The following WDR25 variants were observed in gnomAD, a reference collection of about 807,000 sequenced individuals.
WDR25 encodes the protein WD repeat domain 25.
WDR25 carries 35 observed loss-of-function variants against 47.7 expected under a neutral mutation model. The ratio of observed to expected loss-of-function variants is 0.73; its 90% CI spans 0.56 to 0.97. WDR25 has a LOEUF of 0.97. WDR25 is among the 50% of genes least tolerant of loss of function. The pLI, the probability that WDR25 is intolerant of heterozygous loss-of-function variation, is 0.00. For missense variants in WDR25, 634 were observed against 704.7 expected, an observed-to-expected ratio of 0.90 and a Z score of 1.14; for synonymous variants, 248 against 278.9, an observed-to-expected ratio of 0.89 and a Z score of 1.10.
chr14:100,491,386 G>C (rs1172680000), intron 4 of WDR25, among the ~76,000 whole-genome samples: 2 of 152,244 alleles, frequency 1.3e-5, no homozygotes, highest in Non-Finnish European at 2.9e-5. Context: ...ATACAGTCAT[G>C]CACCACATAA....
chr14:100,486,666 C>T (rs1357190274), intron 4 of WDR25, among the ~76,000 whole-genome samples: 2 of 152,212 alleles, frequency 1.3e-5, no homozygotes, highest in Non-Finnish European at 2.9e-5. Flanking sequence ...TCCCTGTGGG[C>T]TCCTGTGGCG....
intron 2 of WDR25, among the ~76,000 whole-genome samples, chr14:100,416,747 C>A (rs919718920): frequency 6.6e-6 from 1 of 152,184 alleles, no homozygotes; most frequent in Admixed American, 6.5e-5. Context: ...TGTCTTTGGG[C>A]TCACTGGGGA....
chr14:100,524,445 T>C (rs1330859688), intron 4 of WDR25, among the ~76,000 whole-genome samples: 2 of 152,126 alleles, frequency 1.3e-5, no homozygotes, highest in Non-Finnish European at 2.9e-5. Flanking sequence ...TGTGGGAGGA[T>C]AGAGCAGGCA....
At position 100,529,189 on chromosome 14, in the gene WDR25, G is replaced by A; in HGVS notation, c.1394G>A (p.Arg465Gln). The A allele has an allele frequency of 6.2e-7, 1 of 1,613,426 alleles. No homozygotes were observed. Among genetic ancestry groups the A allele is most frequent in the Non-Finnish European group, 8.5e-7 (1 of 1,179,692 alleles). ...TVWPYRMSRR[R>Q]RYEGHKVEGY... is the part of the protein sequence containing the mutation. ...TGGCCCTACCGGATGAGCAGACGGCGGCGCTATGAAGGGCACAAGGTACTT... is the reference window on the plus strand; with the variant it reads ...TGGCCCTACCGGATGAGCAGACGGCAGCGCTATGAAGGGCACAAGGTACTT... Residue 465 changes from arginine to glutamine, a missense_variant, in exon 6 of 7, where the codon CGG becomes CAG. Transcript: ENST00000402312. This position sits in a 1 kb window ranked among gnomAD's most constrained non-coding sequence, Gnocchi z 5.1.
chr14:100,528,973 CCCAG>C (rs2030328014), intron 5 of WDR25, 91 bp from the exon 6 acceptor site: 14 of 1,432,878 alleles, frequency 9.8e-6, no homozygotes, highest in African/African-American at 1.4e-5. Flanking sequence ...AATGGAGACA[CCCAG>C]CTAGGGTCTG....
intron 2 of WDR25, among the ~76,000 whole-genome samples, chr14:100,435,330 A>G (rs1055740994): frequency 1.3e-5 from 2 of 152,236 alleles, no homozygotes; most frequent in Non-Finnish European, 2.9e-5. Context: ...GGCCCCAGGG[A>G]GGGAAGGATA....
At chr14:100,476,826 A>C (rs1363335252) in intron 3 of WDR25, among the ~76,000 whole-genome samples, 1 of 152,206 alleles carries the variant, frequency 6.6e-6, no homozygotes, top group Non-Finnish European at 1.5e-5. Flanking sequence ...CTGCTTTGCC[A>C]GGGCTGCCTC....
chr14:100,481,188 T>C, intron 3 of WDR25: 2 of 467,094 alleles, frequency 4.3e-6, no homozygotes, highest in Non-Finnish European at 8.4e-6. Context: ...GAAACTAAAG[T>C]AGAGTTACCT....
In WDR25 at chr14:100,528,395, G is replaced by GTT. The variant is rs1212810741; in HGVS notation, c.1273-671_1273-670dup. 9.3e-5 allele frequency among the ~76,000 whole-genome samples: 14 copies of GTT among 150,316 alleles called. No individual in the cohort carries two copies. The East Asian group carries it at 2.7e-3, about 29-fold the overall frequency. On this transcript the variant is annotated intron_variant, in intron 5 of 6. Coordinates refer to ENST00000402312, the MANE Select transcript of WDR25 (RefSeq NM_001161476.3). The stretch of plus-strand genomic sequence containing the variant: ...CCAGCATCTTCACACCACCTTCACT[G>GTT]TTTGTCACATCTCTGCGCCTTCCCT...
intron 2 of WDR25, among the ~76,000 whole-genome samples, chr14:100,435,797 G>A (rs1566908969): frequency 6.6e-6 from 1 of 152,210 alleles, no homozygotes; most frequent in Non-Finnish European, 1.5e-5. Context: ...AGGACAGTGA[G>A]GCCTGTCAGG....
chr14:100,446,694 C>T (rs1306246052), intron 2 of WDR25, among the ~76,000 whole-genome samples: 2 of 152,042 alleles, frequency 1.3e-5, no homozygotes, highest in South Asian at 2.1e-4. Context: ...AGAAGCCACA[C>T]GCTGTGTCTG....
intron 3 of WDR25, chr14:100,481,162 C>G (rs1566930851): frequency 4.5e-6 from 2 of 446,498 alleles, no homozygotes; most frequent in Admixed American, 5.2e-5. Context: ...GAAAACAGGC[C>G]AAAGTGGTTA....
chr14:100,433,592 C>T (rs1243112608), intron 2 of WDR25, among the ~76,000 whole-genome samples: 1 of 152,188 alleles, frequency 6.6e-6, no homozygotes, highest in Non-Finnish European at 1.5e-5. Context: ...TGATTCTTAC[C>T]TGAGTCAGTC....
chr14:100,467,943 T>C, intron 2 of WDR25, 78 bp from the exon 3 acceptor site: 1 of 1,565,828 alleles, frequency 6.4e-7, no homozygotes, highest in Non-Finnish European at 8.7e-7. Context: ...ACCTTTTTCT[T>C]TCTACAGTGG....
chr14:100,457,366 A>T (rs145102282), intron 2 of WDR25, among the ~76,000 whole-genome samples: 1 of 152,340 alleles, frequency 6.6e-6, no homozygotes, highest in Non-Finnish European at 1.5e-5. Flanking sequence ...TGAACTTCTC[A>T]TTGGAAATAC....
At chr14:100,431,793 T>A (rs1406775042) in intron 2 of WDR25, among the ~76,000 whole-genome samples, 1 of 151,856 alleles carries the variant, frequency 6.6e-6, no homozygotes, top group Non-Finnish European at 1.5e-5. Context: ...CACTGCAACC[T>A]CTGCCTCCCA....
chr14:100,483,310 T>A (rs1404554226), intron 3 of WDR25, among the ~76,000 whole-genome samples: 1 of 152,204 alleles, frequency 6.6e-6, no homozygotes, highest in Non-Finnish European at 1.5e-5. Context: ...ACTTACCTAA[T>A]GCACATAAAT....
chr14:100,385,394 A>C (rs1896996788), intron 2 of WDR25, among the ~76,000 whole-genome samples: 1 of 152,232 alleles, frequency 6.6e-6, no homozygotes. Flanking sequence ...CCTTGATTCA[A>C]GGTAACATTT....
chr14:100,520,477 A>T (rs977870532), intron 4 of WDR25, among the ~76,000 whole-genome samples: 4 of 152,154 alleles, frequency 2.6e-5, no homozygotes, highest in Non-Finnish European at 4.4e-5. Context: ...TCTAATTAGG[A>T]TTTACCACCA....
Sources: gnomAD v4.1 joint callset for allele counts (sites outside exome capture counted in the v4.1 genomes callset) on GRCh38, gnomAD v4.1.1 for gene constraint, Gnocchi (gnomAD v3.1) non-coding constraint, MANE v1.5 for transcripts, NCBI Gene and HGNC (gene_info 2026-07-23, HGNC 2026-07-21) for gene names.